PLCE1: variants seen among roughly 807,000 people sequenced by gnomAD.
PLCE1 encodes the protein phospholipase C epsilon 1.
PLCE1 carries 119 observed loss-of-function variants against 242.8 expected under a neutral mutation model. The ratio of observed to expected loss-of-function variants is 0.49; its 90% confidence interval spans 0.42 to 0.57. PLCE1 has a LOEUF of 0.57. Ranked by LOEUF, PLCE1 falls within the 20% of genes least tolerant of loss-of-function variation. PLCE1 has a pLI of 0.00. For missense variants in PLCE1, 2,441 were observed against 2,788.8 expected, an observed-to-expected ratio of 0.88 and a Z score of 2.81; for synonymous variants, 945 against 1,017.4, an observed-to-expected ratio of 0.93 and a Z score of 1.35.
Position 94,030,795 on chromosome 10 carries a change from C to G in PLCE1, c.-252C>G, listed in dbSNP as rs900637474. On this transcript the variant is annotated 5_prime_UTR_variant, in exon 2 of 33. Transcript: ENST00000371380. Reference sequence around the variant, plus strand: ...CTTCAAAAAATTTTGCTTCAGGTAACAGAGGAAGGAAAATTGATCTACCAC... The same window carrying G: ...CTTCAAAAAATTTTGCTTCAGGTAAGAGAGGAAGGAAAATTGATCTACCAC... 4.0e-6 allele frequency: 2 copies of G among 501,222 alleles called. No individual in the cohort carries two copies. Among genetic ancestry groups the G allele is most frequent in the African/African-American group, 3.9e-5 (2 of 51,774 alleles). 31.0% of individuals were successfully genotyped at this position (501,222 alleles called of 1,614,324 possible).
chr10:94,313,464 A>G (rs996111511), intron 28 of PLCE1, 82 bp downstream of exon 28: 33 of 1,484,432 alleles, frequency 2.2e-5, no homozygotes, highest in Middle Eastern at 1.7e-4. Flanking sequence ...CCTGTGTGTA[A>G]ACATACACAG....
At chr10:94,305,048 GT>G (rs1564880188) in intron 25 of PLCE1, among the ~76,000 whole-genome samples, 1 of 152,098 alleles carries the variant, frequency 6.6e-6, no homozygotes, top group African/African-American at 2.4e-5. Flanking sequence ...TATTTCCTCC[GT>G]ATAATTTAAC....
chr10:94,198,605 C>T (rs1407055192), intron 4 of PLCE1, among the ~76,000 whole-genome samples: 2 of 152,194 alleles, frequency 1.3e-5, no homozygotes, highest in East Asian at 3.8e-4. Flanking sequence ...GTTCCTTTTG[C>T]CTCCTTTGTA....
chr10:94,096,818 A>G (rs1347124923), intron 2 of PLCE1: 1 of 152,236 alleles, frequency 6.6e-6, no homozygotes, highest in East Asian at 1.9e-4. Context: ...GAATTTGCTT[A>G]TAGGAGAGAC....
intron 2 of PLCE1, chr10:94,104,114 G>C (rs1414690910): frequency 1.3e-5 from 2 of 152,166 alleles, no homozygotes; most frequent in African/African-American, 4.8e-5. Context: ...TCAATGTGCG[G>C]CCACTCTCAG....
intron 4 of PLCE1, among the ~76,000 whole-genome samples, chr10:94,175,132 T>C (rs1180904816): frequency 2.0e-5 from 3 of 152,304 alleles, no homozygotes; most frequent in African/African-American, 7.2e-5. Flanking sequence ...AGAATCCAGA[T>C]CTTTCTTCAA....
chr10:94,308,430 T>C, intron 26 of PLCE1, 151 bp from the exon 27 acceptor site: 1 of 756,972 alleles, frequency 1.3e-6, no homozygotes. Context: ...GGGGCAGCAC[T>C]CTCTTGGCGA....
intron 4 of PLCE1, among the ~76,000 whole-genome samples, chr10:94,175,977 G>T (rs184377995): frequency 8.9e-4 from 136 of 152,166 alleles, no homozygotes; most frequent in African/African-American, 2.8e-3. Context: ...TGGACACTTA[G>T]GTTGCTTCCA....
At chr10:94,090,455 T>C (rs2045019540) in intron 2 of PLCE1, among the ~76,000 whole-genome samples, 1 of 152,174 alleles carries the variant, frequency 6.6e-6, no homozygotes, top group Non-Finnish European at 1.5e-5. Context: ...CATGAGAAAT[T>C]GTGTCCGTGT....
At chr10:94,243,153 G>A (rs1017720607) in intron 7 of PLCE1, among the ~76,000 whole-genome samples, 6 of 152,178 alleles carry the variant, frequency 3.9e-5, no homozygotes, top group Non-Finnish European at 7.3e-5. Flanking sequence ...TATCACCAGA[G>A]AGAAGTCATG....
At chr10:94,233,170 G>C (rs995573346) in intron 5 of PLCE1, among the ~76,000 whole-genome samples, 1 of 152,192 alleles carries the variant, frequency 6.6e-6, no homozygotes, top group African/African-American at 2.4e-5. Flanking sequence ...TGTCATCTGT[G>C]GGTCTCAGCA....
intron 3 of PLCE1, among the ~76,000 whole-genome samples, chr10:94,143,417 A>G (rs1564728942): frequency 6.6e-6 from 1 of 152,206 alleles, no homozygotes; most frequent in African/African-American, 2.4e-5. Context: ...TGACACTTCT[A>G]CTTTTGAGTG....
At chr10:94,087,219 T>G (rs2044861017) in intron 2 of PLCE1, among the ~76,000 whole-genome samples, 1 of 151,398 alleles carries the variant, frequency 6.6e-6, no homozygotes, top group Non-Finnish European at 1.5e-5. Flanking sequence ...GTGTGGTGGC[T>G]TGCACCTGTG....
At chr10:94,141,551 G>A (rs2046958703) in intron 3 of PLCE1, among the ~76,000 whole-genome samples, 1 of 144,690 alleles carries the variant, frequency 6.9e-6, no homozygotes, top group Non-Finnish European at 1.5e-5. Flanking sequence ...GGAAGGCTAA[G>A]GGAAGGTGAA....
At chr10:94,305,488 T>C (rs189326001) in intron 25 of PLCE1, among the ~76,000 whole-genome samples, 4 of 152,200 alleles carry the variant, frequency 2.6e-5, no homozygotes, top group Admixed American at 1.3e-4. Context: ...CTTTAGATCT[T>C]GTCTCTCTCT....
At chr10:94,174,147 G>A (rs1478591082) in intron 4 of PLCE1, among the ~76,000 whole-genome samples, 1 of 152,180 alleles carries the variant, frequency 6.6e-6, no homozygotes, top group African/African-American at 2.4e-5. Flanking sequence ...TCTTATGACA[G>A]TTGTCATCAA....
chr10:94,156,097 G>T (rs183440433), intron 3 of PLCE1, among the ~76,000 whole-genome samples: 1 of 152,022 alleles, frequency 6.6e-6, no homozygotes, highest in East Asian at 1.9e-4. Context: ...TGCCACAGTG[G>T]AAGGGATGTG....
intron 2 of PLCE1, among the ~76,000 whole-genome samples, chr10:94,055,277 A>G (rs890627781): frequency 2.0e-5 from 3 of 151,132 alleles, no homozygotes; most frequent in Non-Finnish European, 2.9e-5. Context: ...TGCACAGAAC[A>G]TTGCCTAAGT....
In PLCE1 at chr10:94,227,172, C is replaced by T. The variant is rs898132178; in HGVS notation, c.1810-134C>T. On this transcript the variant is annotated intron_variant, in intron 4 of 32. Coordinates refer to ENST00000371380, the MANE Select transcript of PLCE1 (RefSeq NM_016341.4). ...GATTACAGGCGTGAACCACCACGCCCAGCCAGGACCTACAGGTCTTTCATT... is the reference window on the plus strand; with the variant it reads ...GATTACAGGCGTGAACCACCACGCCTAGCCAGGACCTACAGGTCTTTCATT... The T allele has an allele frequency of 2.0e-5, 16 of 814,636 alleles. No homozygotes were observed. In the African/African-American group the frequency reaches 2.7e-4, roughly 14 times the overall value. 50.5% of individuals were successfully genotyped at this position (814,636 alleles called of 1,614,324 possible). A position where few individuals can be genotyped will look rare whatever the true frequency, so the allele number is the denominator to read the frequency against.
Sources: gnomAD v4.1 joint callset for allele counts (sites outside exome capture counted in the v4.1 genomes callset) on GRCh38, gnomAD v4.1.1 for gene constraint, MANE v1.5 for transcripts, NCBI Gene and HGNC (gene_info 2026-07-23, HGNC 2026-07-21) for gene names.